The following THSD7A variants were observed in gnomAD, a reference collection of about 807,000 sequenced individuals.
THSD7A encodes thrombospondin type 1 domain containing 7A, also known as thrombospondin type-1 domain-containing protein 7A.
Under a neutral mutation model 231.3 loss-of-function variants are expected in THSD7A, and 96 were observed. The ratio of observed to expected loss-of-function variants is 0.41; its 90% CI spans 0.35 to 0.49. The LOEUF (loss-of-function observed/expected upper bound fraction) is 0.49, where lower values mean the gene tolerates loss of function less well. Among genes scored for constraint, THSD7A ranks in the 20% least tolerant of loss-of-function variants. The pLI is 0.05. For synonymous variants in THSD7A, 940 were observed against 743.3 expected, an observed-to-expected ratio of 1.26 and a Z score of -4.30; for missense variants, 2,290 against 2,070.2, an observed-to-expected ratio of 1.11 and a Z score of -2.06.
chr7:11,573,104 C>T (rs1169412016), intron 4 of THSD7A, among the ~76,000 whole-genome samples: 1 of 152,074 alleles, frequency 6.6e-6, no homozygotes, highest in African/African-American at 2.4e-5. Context: ...CCTTCTGGGA[C>T]CATAGTCTTT....
At chr7:11,810,384 A>G (rs546343643) in intron 1 of THSD7A, among the ~76,000 whole-genome samples, 2 of 152,162 alleles carry the variant, frequency 1.3e-5, no homozygotes, top group Non-Finnish European at 2.9e-5. Context: ...TCTCCAGCTC[A>G]GATAAGCTGG....
intron 13 of THSD7A, among the ~76,000 whole-genome samples, chr7:11,437,383 C>G (rs1275969512): frequency 6.6e-6 from 1 of 152,080 alleles, no homozygotes; most frequent in Non-Finnish European, 1.5e-5. Flanking sequence ...CAATTGCTTT[C>G]TCTTTGTGCC....
chr7:11,807,226 A>G (rs1235859784), intron 1 of THSD7A, among the ~76,000 whole-genome samples: 3 of 152,146 alleles, frequency 2.0e-5, no homozygotes, highest in Non-Finnish European at 4.4e-5. Flanking sequence ...TAGATGCCAT[A>G]GGGATCACAT....
intron 1 of THSD7A, among the ~76,000 whole-genome samples, chr7:11,773,093 G>T (rs1455685846): frequency 6.6e-6 from 1 of 152,004 alleles, no homozygotes; most frequent in Non-Finnish European, 1.5e-5. Flanking sequence ...ATATAATAAA[G>T]GCCCCATCAT....
chr7:11,416,602 T>C (rs149028110), intron 17 of THSD7A, among the ~76,000 whole-genome samples: 1,819 of 152,372 alleles, frequency 0.012, 19 homozygotes, highest in Non-Finnish European at 0.019. Context: ...TGAAATGGAA[T>C]ATCAATTTCT....
chr7:11,683,127 A>AT (rs1242040621), intron 1 of THSD7A, among the ~76,000 whole-genome samples: 1 of 151,894 alleles, frequency 6.6e-6, no homozygotes, highest in Non-Finnish European at 1.5e-5. Context: ...TCTCAAAAAA[A>AT]AAAAAAAAAA....
At chr7:11,679,332 T>C (rs1024565316) in intron 1 of THSD7A, among the ~76,000 whole-genome samples, 3 of 152,274 alleles carry the variant, frequency 2.0e-5, no homozygotes, top group African/African-American at 7.2e-5. Context: ...CAACATATTA[T>C]TGATAATTCT....
rs576840634 is a variant in THSD7A at position 11,552,725 on chromosome 7, C to G, written c.1454-9608G>C. Among the ~76,000 whole-genome samples the G allele has an allele frequency of 2.3e-4, 35 of 152,208 alleles. No individual in the cohort carries two copies. In the South Asian group the frequency reaches 5.0e-3, roughly 22 times the overall value. Reference sequence around the variant, plus strand: ...GTTTAAAATGGCAACCCCACCTTCCCTTGTCTTTATGAGCCACATACGTGT... The same window carrying G: ...GTTTAAAATGGCAACCCCACCTTCCGTTGTCTTTATGAGCCACATACGTGT... On this transcript the variant is annotated intron_variant, in intron 4 of 27. Transcript: ENST00000423059.
intron 1 of THSD7A, among the ~76,000 whole-genome samples, chr7:11,744,480 T>A (rs910703671): frequency 6.6e-6 from 1 of 151,954 alleles, no homozygotes; most frequent in Non-Finnish European, 1.5e-5. Flanking sequence ...TTAGGGTACA[T>A]GTGCACAATG....
intron 6 of THSD7A, among the ~76,000 whole-genome samples, chr7:11,491,231 C>A (rs1409429705): frequency 6.6e-6 from 1 of 152,066 alleles, no homozygotes; most frequent in Non-Finnish European, 1.5e-5. Context: ...GAAAAGCTAA[C>A]TTACGTAATT....
At chr7:11,774,225 C>T (rs1164821353) in intron 1 of THSD7A, among the ~76,000 whole-genome samples, 1 of 152,104 alleles carries the variant, frequency 6.6e-6, no homozygotes, top group African/African-American at 2.4e-5. Context: ...CTAAATGAAA[C>T]AGTCCAGTTT....
chr7:11,571,261 TC>T (rs1466670324), intron 4 of THSD7A, among the ~76,000 whole-genome samples: 3 of 152,192 alleles, frequency 2.0e-5, no homozygotes, highest in Non-Finnish European at 2.9e-5. Flanking sequence ...GTTCCACAGA[TC>T]CTTGATTTAT....
At chr7:11,809,462 A>G (rs1268776492) in intron 1 of THSD7A, among the ~76,000 whole-genome samples, 1 of 152,174 alleles carries the variant, frequency 6.6e-6, no homozygotes, top group African/African-American at 2.4e-5. Flanking sequence ...TTTACTCCTC[A>G]CAAGGACCTT....
intron 6 of THSD7A, among the ~76,000 whole-genome samples, chr7:11,504,153 CTT>C (rs1287768970): frequency 1.4e-4 from 22 of 152,110 alleles, no homozygotes; most frequent in African/African-American, 5.3e-4. Context: ...GATCATGTCT[CTT>C]GTGGGAACAC....
At chr7:11,799,474 T>C (rs1784219358) in intron 1 of THSD7A, among the ~76,000 whole-genome samples, 1 of 152,208 alleles carries the variant, frequency 6.6e-6, no homozygotes, top group Non-Finnish European at 1.5e-5. Context: ...ATATTAATGC[T>C]CATTTAATAA....
chr7:11,456,531 G>C (rs1450424011), intron 11 of THSD7A, among the ~76,000 whole-genome samples: 3 of 151,956 alleles, frequency 2.0e-5, no homozygotes, highest in Non-Finnish European at 4.4e-5. Context: ...AAATTCCAGG[G>C]ATTTTCTGAT....
At chr7:11,805,749 C>T (rs1013765451) in intron 1 of THSD7A, among the ~76,000 whole-genome samples, 2 of 151,970 alleles carry the variant, frequency 1.3e-5, no homozygotes, top group African/African-American at 4.8e-5. Flanking sequence ...TTTTAAACAT[C>T]AAAAACCACA....
intron 1 of THSD7A, among the ~76,000 whole-genome samples, chr7:11,824,152 G>A (rs1364506157): frequency 1.3e-5 from 2 of 151,990 alleles, no homozygotes; most frequent in Non-Finnish European, 2.9e-5. Flanking sequence ...TTCACAGTCT[G>A]CACTGTCTCT....
chr7:11,628,417 G>C (rs1374996890), intron 2 of THSD7A, among the ~76,000 whole-genome samples: 1 of 152,016 alleles, frequency 6.6e-6, no homozygotes, highest in Non-Finnish European at 1.5e-5. Context: ...ATATTCTTTG[G>C]CCATCTCCAT....
Sources: allele counts gnomAD v4.1 joint callset (sites outside exome capture counted in the v4.1 genomes callset), GRCh38; gene constraint gnomAD v4.1.1; transcripts MANE v1.5; gene names NCBI Gene and HGNC (gene_info 2026-07-23, HGNC 2026-07-21).